The following ABCG1 variants were observed in gnomAD, a reference collection of about 807,000 sequenced individuals.
The protein encoded by ABCG1 is ATP binding cassette subfamily G member 1.
A neutral mutation model predicts 69.2 loss-of-function variants in ABCG1; 29 were observed. The observed-to-expected ratio is 0.42, with a 90% CI of 0.31 to 0.57. The LOEUF (loss-of-function observed/expected upper bound fraction) is 0.57, where lower values mean the gene tolerates loss of function less well. Among genes scored for constraint, ABCG1 ranks in the 20% least tolerant of loss-of-function variants. The pLI is 0.15. For missense variants in ABCG1, 718 were observed against 898.1 expected, an observed-to-expected ratio of 0.80 and a Z score of 2.56; for synonymous variants, 370 against 374.8, an observed-to-expected ratio of 0.99 and a Z score of 0.15.
chr21:42,289,011 C>T (rs1451943131), intron 10 of ABCG1, among the ~76,000 whole-genome samples: 1 of 152,156 alleles, frequency 6.6e-6, no homozygotes, highest in Non-Finnish European at 1.5e-5. Flanking sequence ...AGAAGTCCAC[C>T]CCCATGATCC....
At chr21:42,234,023 GT>G (rs34030542) in intron 2 of ABCG1, among the ~76,000 whole-genome samples, 72,784 of 151,770 alleles carry the variant, frequency 0.48, 18,382 homozygotes, top group African/African-American at 0.64. Flanking sequence ...TGGGAGAAGT[GT>G]TTTTTTTTGT....
rs375376658 is a variant in ABCG1, at chr21:42,284,688, G to C, written c.858+5G>C. 6.2e-7 allele frequency: 1 copy of C among 1,611,972 alleles called. No individual in the cohort carries two copies. ...CTCTTCGAGCTGTTCGACCAGGTACGCGGGCCCCGGGCCCTCCCCGCCAGA... is the reference window on the plus strand; with the variant it reads ...CTCTTCGAGCTGTTCGACCAGGTACCCGGGCCCCGGGCCCTCCCCGCCAGA... On this transcript the variant is annotated splice_donor_5th_base_variant and intron_variant, in intron 7 of 14. Coordinates refer to ENST00000398449, the MANE Select transcript of ABCG1 (RefSeq NM_016818.3).
chr21:42,223,358 C>CTGA (rs2123511311), intron 1 of ABCG1, among the ~76,000 whole-genome samples: 1 of 152,270 alleles, frequency 6.6e-6, no homozygotes, highest in Non-Finnish European at 1.5e-5. Flanking sequence ...GTCTGTGTTG[C>CTGA]GTTAGATATC....
chr21:42,235,687 G>A (rs2067969306), intron 2 of ABCG1, among the ~76,000 whole-genome samples: 1 of 152,214 alleles, frequency 6.6e-6, no homozygotes, highest in Non-Finnish European at 1.5e-5. Flanking sequence ...ACGATACGGG[G>A]CTGTGGGGAC....
chr21:42,273,301 A>G lies in ABCG1; in HGVS notation c.405-2A>G. The G allele has an allele frequency of 5.0e-6, 8 of 1,611,716 alleles. No homozygotes were observed. The highest frequency in any genetic ancestry group is 6.8e-6 in the Non-Finnish European group (8 of 1,179,054). On this transcript the variant is annotated splice_acceptor_variant, in intron 3 of 14. Transcript: ENST00000398449. LOFTEE classifies it high-confidence loss of function. The surrounding 1 kb of genome is among the most constrained non-coding windows in gnomAD (Gnocchi z 5.3). ...CGGCTTCTCCTGTCCTTGGTTCTGC[A>G]GGGAGACGGGCATGAAGGGGGCCGT...
At chr21:42,285,797 T>G in intron 7 of ABCG1, 83 bp from the exon 8 acceptor site, 4 of 907,176 alleles carry the variant, frequency 4.4e-6, no homozygotes, top group Non-Finnish European at 5.5e-6. Context: ...GGTTGATTGA[T>G]TGGTTGATTG....
At chr21:42,256,608 C>T (rs2068310165) in intron 2 of ABCG1, 2 of 1,512,784 alleles carry the variant, frequency 1.3e-6, no homozygotes, top group Non-Finnish European at 1.8e-6. Context: ...ACAGTTTTTA[C>T]AGGCACAGGT....
At chr21:42,283,026 G>T (rs375450129) in intron 6 of ABCG1, among the ~76,000 whole-genome samples, 39 of 152,338 alleles carry the variant, frequency 2.6e-4, no homozygotes, top group African/African-American at 7.9e-4. Context: ...GGTGCCCCCA[G>T]CCGCAGGTTG....
chr21:42,293,127 CACACACT>C (rs1316725760), intron 13 of ABCG1, among the ~76,000 whole-genome samples: 5 of 135,988 alleles, frequency 3.7e-5, no homozygotes, highest in Admixed American at 7.3e-5. Flanking sequence ...CTACACACAC[CACACACT>C]ACACACTACA....
At chr21:42,281,171 C>A (rs1328724568) in intron 5 of ABCG1, among the ~76,000 whole-genome samples, 1 of 152,248 alleles carries the variant, frequency 6.6e-6, no homozygotes, top group Admixed American at 6.5e-5. Context: ...AAATTTTCTT[C>A]CTCGTGAGTT....
chr21:42,209,107 G>C (rs935880095), intron 2 of ABCG1, among the ~76,000 whole-genome samples: 13 of 152,222 alleles, frequency 8.5e-5, no homozygotes, highest in African/African-American at 2.9e-4. Context: ...CAGGTGATCA[G>C]GGGGCTGAGT....
chr21:42,248,688 G>A (rs1029099619), intron 2 of ABCG1, among the ~76,000 whole-genome samples: 1 of 151,822 alleles, frequency 6.6e-6, no homozygotes, highest in Non-Finnish European at 1.5e-5. Flanking sequence ...AGGAGTTCGA[G>A]AGCAGCCTGG....
intron 5 of ABCG1, among the ~76,000 whole-genome samples, chr21:42,280,554 G>A (rs2068789679): frequency 6.6e-6 from 1 of 152,222 alleles, no homozygotes; most frequent in African/African-American, 2.4e-5. Context: ...AAATAACTGA[G>A]ATCATTGTTT....
chr21:42,295,911 C>T (rs1020380916), intron 14 of ABCG1, among the ~76,000 whole-genome samples: 2 of 152,098 alleles, frequency 1.3e-5, no homozygotes, highest in African/African-American at 2.4e-5. Context: ...GAATATGTAC[C>T]GCTCATTCAA....
At chr21:42,212,313 A>T (rs2067596684), upstream of ABCG1, among the ~76,000 whole-genome samples, 1 of 152,168 alleles carries the variant, frequency 6.6e-6, no homozygotes, top group African/African-American at 2.4e-5. Context: ...GTTTAGAGGA[A>T]CAGGCTCAAA....
At chr21:42,240,280 C>G (rs1225022510) in intron 2 of ABCG1, among the ~76,000 whole-genome samples, 1 of 152,236 alleles carries the variant, frequency 6.6e-6, no homozygotes, top group African/African-American at 2.4e-5. Flanking sequence ...GTTCCTGCTG[C>G]CAACAGGTGG....
chr21:42,216,422 T>G (rs1285258773), upstream of ABCG1, among the ~76,000 whole-genome samples: 1 of 152,222 alleles, frequency 6.6e-6, no homozygotes, highest in Non-Finnish European at 1.5e-5. Flanking sequence ...CGAAAAGTCT[T>G]GGCTGGACAC....
intron 2 of ABCG1, among the ~76,000 whole-genome samples, chr21:42,231,626 A>G (rs78927979): frequency 0.021 from 3,192 of 152,330 alleles, 113 homozygotes; most frequent in African/African-American, 0.072. Flanking sequence ...AATTCCATTA[A>G]GGGAAGACTG....
At chr21:42,278,327 G>C (rs1227783749) in intron 5 of ABCG1, among the ~76,000 whole-genome samples, 1 of 152,100 alleles carries the variant, frequency 6.6e-6, no homozygotes, top group Non-Finnish European at 1.5e-5. Context: ...GCCCGAGAAT[G>C]TTACTTATAC....
Sources: allele counts gnomAD v4.1 joint callset (sites outside exome capture counted in the v4.1 genomes callset), GRCh38; gene constraint gnomAD v4.1.1; non-coding constraint Gnocchi (gnomAD v3.1); transcripts MANE v1.5; gene names NCBI Gene and HGNC (gene_info 2026-07-23, HGNC 2026-07-21).